Variants in KIF1B observed in about 807,000 individuals in gnomAD.
KIF1B encodes kinesin family member 1B, also known as kinesin-like protein KIF1B.
KIF1B carries 76 observed loss-of-function variants against 241.9 expected under a neutral mutation model. The ratio of observed to expected loss-of-function variants is 0.31; its 90% confidence interval spans 0.26 to 0.38. KIF1B has a LOEUF of 0.38. Among genes scored for constraint, KIF1B ranks in the 10% least tolerant of loss-of-function variants. The probability of loss-of-function intolerance (pLI) is 1.00; values close to 1 mark genes in which losing one functional copy is unlikely to be tolerated. For missense variants in KIF1B, 1,622 were observed against 2,271.4 expected (o/e 0.71, Z 5.81); for synonymous variants, 750 against 796.7 (o/e 0.94, Z 0.99).
At chr1:10,221,579 G>A (rs1294354807) in intron 1 of KIF1B, among the ~76,000 whole-genome samples, 1 of 152,108 alleles carries the variant, frequency 6.6e-6, no homozygotes, top group Admixed American at 6.6e-5. Flanking sequence ...TGTTAGGTCC[G>A]AAAACCTGCT....
intron 32 of KIF1B, among the ~76,000 whole-genome samples, 198 bp from the exon 33 acceptor site, chr1:10,341,852 T>C (rs1335580919): frequency 6.6e-6 from 1 of 151,548 alleles, no homozygotes; most frequent in Non-Finnish European, 1.5e-5. Context: ...ATGTCTGTAG[T>C]CCTAGCTACT....
rs542277671 is a variant in KIF1B, at chr1:10,378,822, A to T, written c.*2235A>T. ...ACGGAGAGAGAAAGGAAAGGATAGA[A>T]TCACAGGCTGCGTCTGCACCTGAAA... is the stretch of plus-strand genomic sequence containing the variant. On this transcript the variant is annotated 3_prime_UTR_variant, in exon 49 of 49. Coordinates refer to ENST00000676179, the MANE Select transcript of KIF1B (RefSeq NM_001365951.3). 6 of 246,768 alleles carry T rather than the reference A, an allele frequency of 2.4e-5. No homozygotes were observed. The highest frequency in any genetic ancestry group is 1.3e-4 in the African/African-American group (6 of 45,750). The allele number at this position is 246,768 out of a possible 1,614,324, so 15.3% of individuals were successfully genotyped here.
chr1:10,353,776 G>A (rs972863889), intron 38 of KIF1B, among the ~76,000 whole-genome samples: 2 of 152,176 alleles, frequency 1.3e-5, no homozygotes, highest in Admixed American at 6.5e-5. Flanking sequence ...TGGAGAAAGA[G>A]GGAAGGAGTG....
chr1:10,322,253 A>G (rs1469592537), intron 24 of KIF1B, among the ~76,000 whole-genome samples: 1 of 152,088 alleles, frequency 6.6e-6, no homozygotes, highest in Non-Finnish European at 1.5e-5. Flanking sequence ...AGGGTCTGAG[A>G]GGCACTGCTG....
At chr1:10,244,763 C>A (rs1213052620) in intron 2 of KIF1B, among the ~76,000 whole-genome samples, 1 of 152,048 alleles carries the variant, frequency 6.6e-6, no homozygotes, top group Non-Finnish European at 1.5e-5. Flanking sequence ...CAGGCGCCCA[C>A]CACCACGCCT....
At position 10,345,382 on chromosome 1, in the gene KIF1B, A is replaced by C. The variant is rs149154156; in HGVS notation, c.3689-463A>C. 8.1e-3 allele frequency among the ~76,000 whole-genome samples: 1,236 copies of C among 152,308 alleles called. 11 individuals are homozygous for C. The highest frequency in any genetic ancestry group is 0.011 in the Non-Finnish European group (773 of 68,028). The stretch of plus-strand genomic sequence containing the variant: ...ATGTGTCCTGGACTTTAAGGTCCCC[A>C]GGTGCTCCTATGTGCAGGGAGGTTT... On this transcript the variant is annotated intron_variant, in intron 34 of 48. Coordinates refer to ENST00000676179, the MANE Select transcript of KIF1B (RefSeq NM_001365951.3).
intron 16 of KIF1B, 80 bp from the exon 17 acceptor site, chr1:10,291,967 G>C: frequency 1.6e-6 from 2 of 1,220,976 alleles, no homozygotes; most frequent in Non-Finnish European, 2.4e-6. Context: ...TGCTTTGCAG[G>C]CTTTATTTTC....
chr1:10,211,429 G>A (rs1646691744), intron 1 of KIF1B, among the ~76,000 whole-genome samples: 1 of 152,214 alleles, frequency 6.6e-6, no homozygotes, highest in Non-Finnish European at 1.5e-5. Flanking sequence ...GTTGGATGCT[G>A]GCCAGGTGTG....
rs913024228 is a variant in KIF1B at position 10,381,509 on chromosome 1, A to G, written c.*4922A>G. 10 of 202,786 alleles carry G rather than the reference A, an allele frequency of 4.9e-5. No individual in the cohort carries two copies. The highest frequency in any genetic ancestry group is 3.0e-4 in the Admixed American group (5 of 16,676). 12.6% of individuals were successfully genotyped at this position (202,786 alleles called of 1,614,324 possible). On this transcript the variant is annotated 3_prime_UTR_variant, in exon 49 of 49. Transcript: ENST00000676179. ...TTTGCTGTATAGCCTTAGATGTGCA[A>G]TGCAGACACTATCTAACTGTGTGTG...
chr1:10,271,810 A>G (rs1411180703), intron 8 of KIF1B, among the ~76,000 whole-genome samples: 1 of 152,200 alleles, frequency 6.6e-6, no homozygotes, highest in East Asian at 1.9e-4. Flanking sequence ...TGTAACTTCA[A>G]TGGAAGGATA....
At chr1:10,376,455 T>A in intron 48 of KIF1B, 90 bp from the exon 49 acceptor site, 3 of 1,318,916 alleles carry the variant, frequency 2.3e-6, no homozygotes, top group East Asian at 2.3e-5. Flanking sequence ...AGGAAGATGC[T>A]CCAGGAGGGA....
At chr1:10,248,243 T>G (rs1647267556) in intron 2 of KIF1B, among the ~76,000 whole-genome samples, 1 of 152,142 alleles carries the variant, frequency 6.6e-6, no homozygotes, top group South Asian at 2.1e-4. Context: ...TTGCCCAGGC[T>G]GGATGGAGTG....
At chr1:10,296,821 G>GA in intron 20 of KIF1B, 76 bp from the exon 21 acceptor site, 2 of 1,400,642 alleles carry the variant, frequency 1.4e-6, no homozygotes, top group Admixed American at 3.6e-5. Flanking sequence ...TCACATTAGG[G>GA]AGGGGTGAGG....
In KIF1B at chr1:10,251,161, C is replaced by T. The variant is rs866420056; in HGVS notation, c.107-5086C>T. 4.4e-4 allele frequency among the ~76,000 whole-genome samples: 66 copies of T among 151,606 alleles called. 1 individual carries two copies. The highest frequency in any genetic ancestry group is 1.5e-3 in the African/African-American group (62 of 41,308). ...AGCCTGGGCAGCTGAGCTAGACTGTCTCAAAAAAATAAATAAATAAAATAA... is the reference window on the plus strand; with the variant it reads ...AGCCTGGGCAGCTGAGCTAGACTGTTTCAAAAAAATAAATAAATAAAATAA... On this transcript the variant is annotated intron_variant, in intron 2 of 48. Coordinates refer to ENST00000676179, the MANE Select transcript of KIF1B (RefSeq NM_001365951.3).
intron 44 of KIF1B, 68 bp from the exon 45 acceptor site, chr1:10,371,073 C>T (rs1638718876): frequency 6.2e-7 from 1 of 1,600,462 alleles, no homozygotes; most frequent in Admixed American, 1.7e-5. Context: ...TGTTGAAACT[C>T]CCTATTGTTA....
chr1:10,293,551 C>T (rs745700210), intron 17 of KIF1B, among the ~76,000 whole-genome samples: 20 of 152,074 alleles, frequency 1.3e-4, no homozygotes, highest in Admixed American at 5.2e-4. Flanking sequence ...CATGCCACCA[C>T]GCCCAGCTAA....
rs553790030 is a variant in KIF1B, at chr1:10,268,090, TGTC to T, written c.609-61_609-59del. 1.9e-3 allele frequency: 1,922 copies of T among 1,004,004 alleles called. 18 individuals are homozygous for T. In the African/African-American group the frequency reaches 0.026, roughly 14 times the overall value. The allele number at this position is 1,004,004 out of a possible 1,614,324, so 62.2% of individuals were successfully genotyped here. A position where few individuals can be genotyped will look rare whatever the true frequency, so the allele number is the denominator to read the frequency against. ...GTTATGCTTATAATGTGGAGCCTGC[TGTC>T]CATTTCAACTCTCATCTAAGAATTC... On this transcript the variant is annotated intron_variant, in intron 6 of 48. Coordinates refer to ENST00000676179, the MANE Select transcript of KIF1B (RefSeq NM_001365951.3).
chr1:10,216,263 T>C, intron 1 of KIF1B, among the ~76,000 whole-genome samples: 1 of 152,184 alleles, frequency 6.6e-6, no homozygotes, highest in East Asian at 1.9e-4. Context: ...TATGGCCACA[T>C]TTTTAACTTG....
At position 10,323,882 on chromosome 1, in the gene KIF1B, AG is replaced by A; in HGVS notation, c.2359del. 1 of 1,612,910 alleles carries A rather than the reference AG, an allele frequency of 6.2e-7. No individual in the cohort carries two copies. The highest frequency in any genetic ancestry group is 8.5e-7 in the Non-Finnish European group (1 of 1,178,878). ...TGTCAATGGTTTATTCTTTCTATTC[AG>A]GTGCAGTTTCAGTTTGTTCTGCTGA... On this transcript the variant is annotated splice_acceptor_variant, in intron 24 of 48. Coordinates refer to ENST00000676179, the MANE Select transcript of KIF1B (RefSeq NM_001365951.3). LOFTEE classifies it high-confidence loss of function.
Sources: gnomAD v4.1 joint callset for allele counts (sites outside exome capture counted in the v4.1 genomes callset) on GRCh38, gnomAD v4.1.1 for gene constraint, MANE v1.5 for transcripts, NCBI Gene and HGNC (gene_info 2026-07-23, HGNC 2026-07-21) for gene names.